The following RICTOR variants were observed in gnomAD, a reference collection of about 807,000 sequenced individuals.
The protein encoded by RICTOR is RPTOR independent companion of MTOR complex 2, also known as rapamycin-insensitive companion of mTOR.
In RICTOR, 49 loss-of-function variants were observed where a neutral mutation model predicts 214.9. The ratio of observed to expected loss-of-function variants is 0.23; its 90% CI spans 0.18 to 0.29. RICTOR has a LOEUF of 0.29. Ranked by LOEUF, RICTOR falls within the 10% of genes least tolerant of loss-of-function variation. The probability of loss-of-function intolerance (pLI) is 1.00; values close to 1 mark genes in which losing one functional copy is unlikely to be tolerated. For missense variants in RICTOR, 1,625 were observed against 2,047.0 expected (o/e 0.79, Z 3.98); for synonymous variants, 717 against 711.3 (o/e 1.01, Z -0.13).
intron 6 of RICTOR, among the ~76,000 whole-genome samples, chr5:38,995,920 C>T (rs1325324782): frequency 6.6e-6 from 1 of 152,140 alleles, no homozygotes; most frequent in East Asian, 1.9e-4. Flanking sequence ...TAAGGCTTAA[C>T]TCATCCATTT....
chr5:39,005,336 C>T (rs1037672389), intron 3 of RICTOR, among the ~76,000 whole-genome samples: 9 of 151,034 alleles, frequency 6.0e-5, no homozygotes, highest in East Asian at 1.9e-4. Flanking sequence ...ATCACAAATC[C>T]GTAAATCCTC....
chr5:38,982,791 T>C (rs1262776063), intron 7 of RICTOR, among the ~76,000 whole-genome samples: 4 of 45,824 alleles, frequency 8.7e-5, no homozygotes, highest in African/African-American at 2.8e-4. Flanking sequence ...TATATATACA[T>C]ATATATACAC....
At chr5:39,054,648 T>G (rs1758081575) in intron 2 of RICTOR, among the ~76,000 whole-genome samples, 1 of 152,194 alleles carries the variant, frequency 6.6e-6, no homozygotes, top group Non-Finnish European at 1.5e-5. Flanking sequence ...AACCATCCAT[T>G]CAGTCTACAT....
At chr5:39,039,330 G>T (rs1241140566) in intron 2 of RICTOR, among the ~76,000 whole-genome samples, 4 of 152,104 alleles carry the variant, frequency 2.6e-5, no homozygotes, top group Admixed American at 2.6e-4. Context: ...ATGGATTAAA[G>T]ACTTAAATGT....
chr5:38,954,331 C>T lies in RICTOR; in HGVS notation c.2697+443G>A, dbSNP rs74702248. On this transcript the variant is annotated intron_variant, in intron 27 of 37. Transcript: ENST00000357387. ...GCTTGTTAACATTCCATGAAGTACG[C>T]GAGAATAAAATGTGCTCACAACCAG... 4.4e-4 allele frequency among the ~76,000 whole-genome samples: 67 copies of T among 151,940 alleles called. No individual in the cohort carries two copies. In the East Asian group the frequency reaches 0.01, roughly 24 times the overall value.
At chr5:39,038,469 G>A (rs1756910745) in intron 2 of RICTOR, among the ~76,000 whole-genome samples, 1 of 152,166 alleles carries the variant, frequency 6.6e-6, no homozygotes. Flanking sequence ...GTTCTGGCCA[G>A]GGCAATCAGG....
At chr5:39,038,977 A>C (rs1224649784) in intron 2 of RICTOR, among the ~76,000 whole-genome samples, 3 of 152,204 alleles carry the variant, frequency 2.0e-5, no homozygotes, top group Admixed American at 2.0e-4. Context: ...TTTAAAGTTC[A>C]TATGGAACCA....
chr5:38,978,292 G>T (rs903744211), intron 9 of RICTOR, among the ~76,000 whole-genome samples: 10 of 151,750 alleles, frequency 6.6e-5, no homozygotes, highest in African/African-American at 2.2e-4. Context: ...CATTCTTTTG[G>T]TTTTTTAAAT....
intron 7 of RICTOR, among the ~76,000 whole-genome samples, 200 bp from the exon 8 acceptor site, chr5:38,982,236 C>A (rs977229971): frequency 2.0e-5 from 3 of 152,110 alleles, no homozygotes; most frequent in Admixed American, 6.5e-5. Flanking sequence ...TTTAAAATAT[C>A]TTTGGATTGT....
At chr5:38,964,914 T>C in intron 15 of RICTOR, 22 bp from the exon 16 acceptor site, 1 of 1,442,918 alleles carries the variant, frequency 6.9e-7, no homozygotes, top group Non-Finnish European at 9.7e-7. Flanking sequence ...CATAACATTT[T>C]ACATGAGTTT....
chr5:38,994,306 T>C (rs1314985809), intron 6 of RICTOR, among the ~76,000 whole-genome samples: 6 of 151,276 alleles, frequency 4.0e-5, no homozygotes, highest in Non-Finnish European at 8.8e-5. Context: ...TAACTTACTG[T>C]GTATACACAA....
chr5:38,959,529 T>C (rs1030269328), intron 21 of RICTOR, among the ~76,000 whole-genome samples: 2 of 152,178 alleles, frequency 1.3e-5, no homozygotes, highest in African/African-American at 2.4e-5. Context: ...AGTTACTATT[T>C]TGAATGCTGG....
Position 38,962,490 on chromosome 5 carries a change from G to C in RICTOR, c.1663C>G (p.Leu555Val). Residue 555 changes from leucine to valine, a missense_variant, in exon 18 of 38, where the codon CTT becomes GTT. This residue lies in a region of RICTOR where 1,214 missense variants were observed against 1,470.5 expected (regional missense o/e 0.83). Transcript: ENST00000357387. ...EWNWNLIGTI[L>V]KWPNVNLRNY... Reference sequence around the variant, plus strand: ...CATGAAGTATCTTTTCATACCTTAAGAATGGTCCCTATAAGATTCCAATTC... The same window carrying C: ...CATGAAGTATCTTTTCATACCTTAACAATGGTCCCTATAAGATTCCAATTC... 2.7e-6 allele frequency: 4 copies of C among 1,506,058 alleles called. 1 individual carries two copies. The highest frequency in any genetic ancestry group is 2.4e-5 in the South Asian group (2 of 82,616). The allele number at this position is 1,506,058 out of a possible 1,614,324, so 93.3% of individuals were successfully genotyped here.
At position 38,964,832 on chromosome 5, in the gene RICTOR, T is replaced by A. The variant is rs1750082245; in HGVS notation, c.1360A>T (p.Asn454Tyr). The A allele has an allele frequency of 6.8e-6, 11 of 1,608,156 alleles. No homozygotes were observed. Among genetic ancestry groups the A allele is most frequent in the Non-Finnish European group, 9.4e-6 (11 of 1,175,862 alleles). Residue 454 changes from asparagine (N) to tyrosine (Y), a missense_variant, in exon 16 of 38, where the codon AAT becomes TAT. Physicochemically the swap from Asn to Tyr is moderately radical, Grantham distance 143. This residue lies in a region of RICTOR where 1,214 missense variants were observed against 1,470.5 expected (regional missense o/e 0.83). Transcript: ENST00000357387. Reference sequence around the variant, plus strand: ...GGGATATCAAAGGATGCAGCCATATTCATTAGGGTTGGCAAGCAGTGTAAA... The same window carrying A: ...GGGATATCAAAGGATGCAGCCATATACATTAGGGTTGGCAAGCAGTGTAAA... ...HHLHCLPTLM[N>Y]MAASFDIPKE...
intron 24 of RICTOR, 40 bp from the exon 25 acceptor site, chr5:38,957,770 GC>G (rs779334374): frequency 9.3e-7 from 1 of 1,080,894 alleles, no homozygotes; most frequent in Non-Finnish European, 1.4e-6. Flanking sequence ...ATTGAGTCTG[GC>G]AAAAACGTAT....
chr5:38,967,420 C>G lies in RICTOR; in HGVS notation c.1068G>C (p.Gly356=). ...AAAGCCTCCAACTGTCTTGGAACCT[C>G]CCTGGATCTAAATTAGTTAAAATAT... ...FIEALLSVDP[G]RFQDSWRLSD... Residue 356 remains glycine, a synonymous_variant, in exon 13 of 38, where the codon GGG becomes GGC. Coordinates refer to ENST00000357387, the MANE Select transcript of RICTOR (RefSeq NM_152756.5). The G allele has an allele frequency of 6.2e-7, 1 of 1,609,878 alleles. No individual in the cohort carries two copies. Among genetic ancestry groups the G allele is most frequent in the Non-Finnish European group, 8.5e-7 (1 of 1,177,356 alleles).
At chr5:39,035,984 C>T (rs1157191996) in intron 2 of RICTOR, among the ~76,000 whole-genome samples, 8 of 152,084 alleles carry the variant, frequency 5.3e-5, no homozygotes, top group South Asian at 2.1e-4. Context: ...AGATACTCCT[C>T]GAGAAGAGCA....
intron 9 of RICTOR, among the ~76,000 whole-genome samples, chr5:38,977,661 T>C (rs1751355281): frequency 6.9e-6 from 1 of 145,492 alleles, no homozygotes; most frequent in Admixed American, 7.2e-5. Context: ...AGTGGTGTGA[T>C]CTCAGCTCAA....
chr5:38,991,320 ACT>A (rs5867439), intron 6 of RICTOR, among the ~76,000 whole-genome samples: 2,842 of 152,252 alleles, frequency 0.019, 96 homozygotes, highest in African/African-American at 0.065. Flanking sequence ...CTATAAATTC[ACT>A]GACCAAATGT....
Sources: allele counts gnomAD v4.1 joint callset (sites outside exome capture counted in the v4.1 genomes callset), GRCh38; gene constraint gnomAD v4.1.1; regional missense constraint gnomAD v4.1.1; transcripts MANE v1.5; gene names NCBI Gene and HGNC (gene_info 2026-07-23, HGNC 2026-07-21).